Variants in NAV1 observed in about 807,000 individuals in gnomAD.
NAV1 encodes the protein pore membrane and/or filament interacting like protein 3.
Under a neutral mutation model 175.2 loss-of-function variants are expected in NAV1, and 18 were observed. That is an observed-to-expected ratio of 0.10 (90% CI 0.07 to 0.15). The LOEUF (loss-of-function observed/expected upper bound fraction) is 0.15. Ranked by LOEUF, NAV1 falls within the 10% of genes least tolerant of loss-of-function variation. The pLI is 1.00. For missense variants in NAV1, 1,731 were observed against 2,436.6 expected (o/e 0.71, Z 6.10); for synonymous variants, 897 against 978.7 (o/e 0.92, Z 1.56).
chr1:201,808,995 C>T lies in NAV1; in HGVS notation c.4207+124C>T, dbSNP rs184797503. 67 of 1,339,780 alleles carry T rather than the reference C, an allele frequency of 5.0e-5. No homozygotes were observed. In the East Asian group the frequency reaches 1.5e-3, roughly 30 times the overall value. The allele number at this position is 1,339,780 out of a possible 1,614,324, so 83.0% of individuals were successfully genotyped here. ...GCCGAAGCCAAGCAGATGCCAGTGT[C>T]CTAAGACACTGAGTTGTAATGGTCC... On this transcript the variant is annotated intron_variant, in intron 20 of 29. Transcript: ENST00000367296. The surrounding 1 kb of genome is among the most constrained non-coding windows in gnomAD (Gnocchi z 5.5).
chr1:201,793,491 AGGGATAGTC>A (rs1292044841), intron 13 of NAV1: 1 of 336,960 alleles, frequency 3.0e-6, no homozygotes, highest in Non-Finnish European at 5.6e-6. Context: ...CATAGAGCAG[AGGGATAGTC>A]CTACCTCTGG....
At chr1:201,599,185 G>T (rs1667449653) in intron 2 of NAV1, among the ~76,000 whole-genome samples, 1 of 152,156 alleles carries the variant, frequency 6.6e-6, no homozygotes, top group South Asian at 2.1e-4. Flanking sequence ...GGGACAATGA[G>T]GTCACACTCT....
intron 2 of NAV1, among the ~76,000 whole-genome samples, chr1:201,637,159 G>GA (rs1668636855): frequency 6.6e-6 from 1 of 152,166 alleles, no homozygotes; most frequent in African/African-American, 2.4e-5. Flanking sequence ...TACCAACTGA[G>GA]AAAATGAGTG....
chr1:201,683,321 G>A (rs914519764), intron 1 of NAV1, among the ~76,000 whole-genome samples: 13 of 152,104 alleles, frequency 8.5e-5, no homozygotes, highest in East Asian at 1.9e-4. Flanking sequence ...GGTCTATACC[G>A]GCGATCCCCA....
chr1:201,803,908 G>A (rs1230513001), intron 16 of NAV1, among the ~76,000 whole-genome samples, 194 bp downstream of exon 20: 1 of 152,064 alleles, frequency 6.6e-6, no homozygotes, highest in African/African-American at 2.4e-5. Flanking sequence ...TGTCCCCAAG[G>A]CCACCCCTCT....
intron 3 of NAV1, among the ~76,000 whole-genome samples, chr1:201,752,752 G>GA (rs967812912): frequency 2.6e-5 from 4 of 151,934 alleles, no homozygotes; most frequent in African/African-American, 7.2e-5. Context: ...TGGTTTACAC[G>GA]AAAAAAATCA....
intron 3 of NAV1, among the ~76,000 whole-genome samples, chr1:201,768,447 G>GTA (rs1675351506): frequency 6.6e-6 from 1 of 151,866 alleles, no homozygotes; most frequent in Non-Finnish European, 1.5e-5. Context: ...GAACCAGCCT[G>GTA]GGCAACATGG....
chr1:201,785,438 G>A (rs1445812748), intron 8 of NAV1, 87 bp downstream of exon 12: 43 of 1,394,098 alleles, frequency 3.1e-5, no homozygotes, highest in Non-Finnish European at 4.3e-5. Context: ...CAAGGCTCCA[G>A]TCATGAATTT....
At chr1:201,671,310 G>T (rs1670037250) in intron 1 of NAV1, among the ~76,000 whole-genome samples, 1 of 152,016 alleles carries the variant, frequency 6.6e-6, no homozygotes, top group Non-Finnish European at 1.5e-5. Context: ...CCTTTTTACG[G>T]GCTGAACTGA....
At chr1:201,816,476 TATA>T (rs1679035576) in intron 28 of NAV1, among the ~76,000 whole-genome samples, 1 of 152,164 alleles carries the variant, frequency 6.6e-6, no homozygotes, top group Non-Finnish European at 1.5e-5. Flanking sequence ...CATAAATGCA[TATA>T]ATTTTTGTTG....
chr1:201,785,256 G>T, intron 7 of NAV1, 54 bp from the exon 12 acceptor site: 1 of 1,582,420 alleles, frequency 6.3e-7, no homozygotes, highest in South Asian at 1.1e-5. Context: ...TTCCTAAGAT[G>T]GACCCACATG....
intron 10 of NAV1, 50 bp from the exon 15 acceptor site, chr1:201,789,690 C>T (rs1676981723): frequency 6.3e-7 from 1 of 1,577,576 alleles, no homozygotes; most frequent in Admixed American, 1.7e-5. Flanking sequence ...CCAAAAACCC[C>T]TTGTCCCTGG....
In NAV1 at chr1:201,557,372, C is replaced by T. The variant is rs184511992; in HGVS notation, c.-144+18030C>T. ...CACAGCCCACAGGACAGCCTTCAGA[C>T]GTGTCCTGAGGCTTGTGTGCCCAAT... is the stretch of plus-strand genomic sequence containing the variant. On this transcript the variant is annotated intron_variant, in intron 1 of 33. Coordinates refer to the NAV1 transcript ENST00000685211. 1.8e-3 allele frequency among the ~76,000 whole-genome samples: 267 copies of T among 152,344 alleles called. 1 individual carries two copies. Among genetic ancestry groups the T allele is most frequent in the African/African-American group, 6.0e-3 (251 of 41,562 alleles).
At chr1:201,623,101 T>G (rs1162962925) in exon 1 of NAV1, 2 of 985,860 alleles carry the variant, frequency 2.0e-6, no homozygotes, top group Non-Finnish European at 2.4e-6. Flanking sequence ...TCCTAGGGCC[T>G]TCCGGGGGAG....
chr1:201,781,901 A>T (rs781753517), intron 5 of NAV1, among the ~76,000 whole-genome samples: 4 of 151,928 alleles, frequency 2.6e-5, no homozygotes, highest in Admixed American at 2.0e-4. Context: ...ATTCTTGATC[A>T]TCTTTGTGTT....
At chr1:201,642,847 G>A (rs1485411339) in intron 2 of NAV1, among the ~76,000 whole-genome samples, 1 of 150,862 alleles carries the variant, frequency 6.6e-6, no homozygotes, top group African/African-American at 2.4e-5. Context: ...TCGGCTCACT[G>A]CAGGCTCCAC....
chr1:201,559,048 T>C (rs1571820361), intron 1 of NAV1, among the ~76,000 whole-genome samples: 1 of 152,170 alleles, frequency 6.6e-6, no homozygotes, highest in East Asian at 1.9e-4. Context: ...CACCTTCATC[T>C]GTAAAATGGG....
intron 8 of NAV1, 71 bp from the exon 13 acceptor site, chr1:201,786,358 C>A (rs1403806381): frequency 6.1e-6 from 9 of 1,483,264 alleles, no homozygotes; most frequent in African/African-American, 4.1e-5. Flanking sequence ...AGTTCAGACA[C>A]CCTCCGCACC....
At chr1:201,623,248 G>A (rs1403704189) in exon 1 of NAV1, 2 of 985,980 alleles carry the variant, frequency 2.0e-6, no homozygotes, top group East Asian at 2.3e-4. Context: ...AAGAATTGGC[G>A]AGAGACAAGG....
Sources: allele counts gnomAD v4.1 joint callset (sites outside exome capture counted in the v4.1 genomes callset), GRCh38; gene constraint gnomAD v4.1.1; non-coding constraint Gnocchi (gnomAD v3.1); transcripts MANE v1.5; gene names NCBI Gene and HGNC (gene_info 2026-07-23, HGNC 2026-07-21).